HRH2: variants seen among roughly 807,000 people sequenced by gnomAD.
HRH2 encodes histamine H2 receptor.
A neutral mutation model predicts 20.1 loss-of-function variants in HRH2; 4 were observed. That is an observed-to-expected ratio of 0.20 (90% CI 0.10 to 0.45). The LOEUF (loss-of-function observed/expected upper bound fraction) is 0.45. Among genes scored for constraint, HRH2 ranks in the 20% least tolerant of loss-of-function variants. HRH2 has a pLI of 0.99. For missense variants in HRH2, 250 were observed against 461.6 expected, an observed-to-expected ratio of 0.54 and a Z score of 4.20; for synonymous variants, 197 against 200.7, an observed-to-expected ratio of 0.98 and a Z score of 0.16.
chr5:175,684,250 C>T lies in HRH2; in HGVS notation c.1017C>T (p.Pro339=), dbSNP rs771931090. Residue 339 remains proline, a synonymous_variant, in exon 2 of 3, where the codon CCC becomes CCT. Transcript: ENST00000636584. ...SREPRQQEEK[P]LKLQVWSGTE... ...AACCCAGGCAACAGGAAGAGAAACC[C>T]CTGAAGCTCCAGGTGTGGAGTGGGA... 8 of 1,614,054 alleles carry T rather than the reference C, an allele frequency of 5.0e-6. No individual in the cohort carries two copies. The highest frequency in any genetic ancestry group is 8.5e-7 in the Non-Finnish European group (1 of 1,180,036).
intron 2 of HRH2, chr5:175,703,754 A>G (rs1756860574): frequency 6.6e-6 from 1 of 152,180 alleles, no homozygotes; most frequent in Admixed American, 6.5e-5. Flanking sequence ...AAAAAAGATA[A>G]TAAGAACATT....
At chr5:175,685,590 A>G (rs1177329302) in intron 2 of HRH2, 10 of 924,682 alleles carry the variant, frequency 1.1e-5, no homozygotes, top group Admixed American at 4.0e-5. Context: ...CAGAAAATCA[A>G]TGGCACAGCC....
chr5:175,662,729 A>C (rs574751100), intron 1 of HRH2, among the ~76,000 whole-genome samples: 8 of 152,310 alleles, frequency 5.3e-5, no homozygotes, highest in African/African-American at 1.9e-4. Flanking sequence ...AATTTTTAGG[A>C]TATTCACACA....
chr5:175,663,840 C>T (rs1264163685), intron 1 of HRH2, among the ~76,000 whole-genome samples: 1 of 152,224 alleles, frequency 6.6e-6, no homozygotes, highest in African/African-American at 2.4e-5. Context: ...TGTGACTACA[C>T]CTTTGACTAC....
rs1756424352 is a variant in HRH2 at position 175,692,590 on chromosome 5, C to A, written c.1076+8281C>A. Among the ~76,000 whole-genome samples, 2 of 152,336 alleles carry A rather than the reference C, an allele frequency of 1.3e-5. 1 individual carries two copies. The highest frequency in any genetic ancestry group is 4.8e-5 in the African/African-American group (2 of 41,576). ...CACAGAGCAAATGCTTAGTAAGTGG[C>A]AGCCTTTATTTATTTTTTTTCCCCA... On this transcript the variant is annotated intron_variant, in intron 2 of 2. Coordinates refer to ENST00000636584, the MANE Select transcript of HRH2 (RefSeq NM_001367711.1).
At chr5:175,692,467 C>G (rs1021678377) in intron 2 of HRH2, among the ~76,000 whole-genome samples, 9 of 152,236 alleles carry the variant, frequency 5.9e-5, no homozygotes, top group African/African-American at 2.2e-4. Context: ...GGCTTGCCCT[C>G]TCTGAGCCTC....
intron 1 of HRH2, among the ~76,000 whole-genome samples, chr5:175,679,001 G>C (rs939912250): frequency 6.6e-6 from 1 of 152,194 alleles, no homozygotes; most frequent in Admixed American, 6.5e-5. Flanking sequence ...ATGCATACCA[G>C]TGGCATTTCT....
At chr5:175,685,351 G>T in intron 2 of HRH2, 1 of 1,471,060 alleles carries the variant, frequency 6.8e-7, no homozygotes, top group South Asian at 1.3e-5. Flanking sequence ...AATGCTCAGA[G>T]GATACCTGGC....
chr5:175,701,685 G>A lies in HRH2; in HGVS notation c.1077-6094G>A, dbSNP rs553848991. 4.6e-5 allele frequency among the ~76,000 whole-genome samples: 7 copies of A among 152,284 alleles called. No individual in the cohort carries two copies. In the East Asian group the frequency reaches 1.3e-3, roughly 29 times the overall value. ...GTCACGTGCCCAACCCTGAAGCCAGGGCAAAGGGAAATAGGTCAACTCCAC... is the reference window on the plus strand; with the variant it reads ...GTCACGTGCCCAACCCTGAAGCCAGAGCAAAGGGAAATAGGTCAACTCCAC... On this transcript the variant is annotated intron_variant, in intron 2 of 2. Coordinates refer to ENST00000636584, the MANE Select transcript of HRH2 (RefSeq NM_001367711.1).
rs932830612 is a variant in HRH2, at chr5:175,708,243, G to C, written c.*272G>C. On this transcript the variant is annotated 3_prime_UTR_variant, in exon 3 of 3. Coordinates refer to ENST00000636584, the MANE Select transcript of HRH2 (RefSeq NM_001367711.1). Reference sequence around the variant, plus strand: ...GCTCACGTTGGTGCTGGCCCTGGGAGTCATGAGCAGAGACGGTGGGACAGA... The same window carrying C: ...GCTCACGTTGGTGCTGGCCCTGGGACTCATGAGCAGAGACGGTGGGACAGA... The C allele has an allele frequency of 3.0e-5, 10 of 327,994 alleles. No individual in the cohort carries two copies. Among genetic ancestry groups the C allele is most frequent in the Non-Finnish European group, 5.5e-5 (10 of 181,570 alleles). The allele number at this position is 327,994 out of a possible 1,614,324, so 20.3% of individuals were successfully genotyped here.
At chr5:175,700,187 A>G (rs1756751898) in intron 2 of HRH2, among the ~76,000 whole-genome samples, 1 of 152,160 alleles carries the variant, frequency 6.6e-6, no homozygotes, top group Non-Finnish European at 1.5e-5. Context: ...AACCTCCCTC[A>G]CTGTCTCCCT....
chr5:175,678,518 G>A (rs1018575380), intron 1 of HRH2, among the ~76,000 whole-genome samples: 1 of 152,230 alleles, frequency 6.6e-6, no homozygotes, highest in Non-Finnish European at 1.5e-5. Context: ...GCTGGAATTA[G>A]AACCCAGATC....
chr5:175,688,808 A>G (rs1267916876), intron 2 of HRH2, among the ~76,000 whole-genome samples: 1 of 152,234 alleles, frequency 6.6e-6, no homozygotes, highest in Non-Finnish European at 1.5e-5. Flanking sequence ...AAGCAAGCTC[A>G]GGAGAGGCTG....
At chr5:175,690,851 GT>G (rs1756347902) in intron 2 of HRH2, among the ~76,000 whole-genome samples, 1 of 152,210 alleles carries the variant, frequency 6.6e-6, no homozygotes, top group Non-Finnish European at 1.5e-5. Context: ...CATGGAACAG[GT>G]GCTCTTCTGT....
At chr5:175,680,748 G>C (rs1388069403) in intron 1 of HRH2, among the ~76,000 whole-genome samples, 1 of 152,100 alleles carries the variant, frequency 6.6e-6, no homozygotes, top group Admixed American at 6.5e-5. Flanking sequence ...CCCTGCCCTC[G>C]AAAAAGGTGA....
intron 2 of HRH2, among the ~76,000 whole-genome samples, chr5:175,702,725 CT>C (rs1166650598): frequency 1.4e-3 from 174 of 123,646 alleles, no homozygotes; most frequent in Non-Finnish European, 1.3e-3. Context: ...CTAATTTTTT[CT>C]TTTTTTTTTT....
chr5:175,680,018 C>T (rs898950852), intron 1 of HRH2, among the ~76,000 whole-genome samples: 3 of 152,190 alleles, frequency 2.0e-5, no homozygotes, highest in Admixed American at 6.5e-5. Flanking sequence ...CTCGTGGGGT[C>T]GTGAGGATTC....
chr5:175,682,012 AAAG>A (rs1467714457), intron 1 of HRH2, among the ~76,000 whole-genome samples: 1 of 152,226 alleles, frequency 6.6e-6, no homozygotes, highest in Non-Finnish European at 1.5e-5. Flanking sequence ...AAAATCAAAA[AAAG>A]GAGATTTTTA....
intron 1 of HRH2, among the ~76,000 whole-genome samples, chr5:175,667,359 G>T (rs985611983): frequency 2.0e-5 from 3 of 152,030 alleles, no homozygotes; most frequent in Non-Finnish European, 2.9e-5. Context: ...CAGGAGAATC[G>T]CTTGAACCTG....
Sources: gnomAD v4.1 joint callset for allele counts (sites outside exome capture counted in the v4.1 genomes callset) on GRCh38, gnomAD v4.1.1 for gene constraint, MANE v1.5 for transcripts, NCBI Gene and HGNC (gene_info 2026-07-23, HGNC 2026-07-21) for gene names.